CTTNBP2: variants seen among roughly 807,000 people sequenced by gnomAD.
CTTNBP2 encodes cortactin binding protein 2, also known as cortactin-binding protein 2.
CTTNBP2 carries 108 observed loss-of-function variants against 156.9 expected under a neutral mutation model. That is an observed-to-expected ratio of 0.69 (90% CI 0.59 to 0.81). CTTNBP2 has a LOEUF of 0.81. Ranked by LOEUF, CTTNBP2 falls within the 30% of genes least tolerant of loss-of-function variation. The pLI is 0.00. For synonymous variants in CTTNBP2, 767 were observed against 751.8 expected, an observed-to-expected ratio of 1.02 and a Z score of -0.33; for missense variants, 1,924 against 2,035.4, an observed-to-expected ratio of 0.95 and a Z score of 1.05.
intron 2 of CTTNBP2, among the ~76,000 whole-genome samples, chr7:117,815,352 C>G (rs1160443889): frequency 6.6e-6 from 1 of 152,020 alleles, no homozygotes; most frequent in Non-Finnish European, 1.5e-5. Flanking sequence ...CAGAATATGA[C>G]AAATCTCCCA....
chr7:117,756,723 A>T, intron 11 of CTTNBP2, 89 bp from the exon 12 acceptor site: 1 of 930,580 alleles, frequency 1.1e-6, no homozygotes, highest in Admixed American at 1.8e-5. Context: ...TAGAAGATGA[A>T]TGTGTTTGTT....
chr7:117,855,208 C>T (rs376464898), intron 2 of CTTNBP2, among the ~76,000 whole-genome samples: 3 of 152,116 alleles, frequency 2.0e-5, no homozygotes, highest in Admixed American at 6.5e-5. Context: ...TTACCTCATG[C>T]GGACTGTTTG....
chr7:117,852,307 A>T (rs374355048), intron 2 of CTTNBP2, among the ~76,000 whole-genome samples: 2 of 152,112 alleles, frequency 1.3e-5, no homozygotes, highest in African/African-American at 4.8e-5. Context: ...CCAAAAAAAA[A>T]AAAAAGATCA....
At chr7:117,773,402 C>T (rs1797899286) in intron 8 of CTTNBP2, among the ~76,000 whole-genome samples, 1 of 152,118 alleles carries the variant, frequency 6.6e-6, no homozygotes, top group African/African-American at 2.4e-5. Flanking sequence ...AATCCTAACA[C>T]ATAAAAATGA....
intron 8 of CTTNBP2, among the ~76,000 whole-genome samples, chr7:117,769,803 C>A (rs1300985549): frequency 6.6e-6 from 1 of 152,156 alleles, no homozygotes. Context: ...TGATAAAAAT[C>A]ACACATTTAT....
chr7:117,777,767 T>C lies in CTTNBP2; in HGVS notation c.2524-2A>G. ...TGCGTGAACTGGTGTCCAGCCATCCTGAAAATAAAATGACCAGGGGGAAAG... is the reference window on the plus strand; with the variant it reads ...TGCGTGAACTGGTGTCCAGCCATCCCGAAAATAAAATGACCAGGGGGAAAG... On this transcript the variant is annotated splice_acceptor_variant, in intron 7 of 22. Coordinates refer to ENST00000160373, the MANE Select transcript of CTTNBP2 (RefSeq NM_033427.3). LOFTEE classifies it high-confidence loss of function. The C allele has an allele frequency of 1.2e-6, 2 of 1,601,668 alleles. No individual in the cohort carries two copies. Among genetic ancestry groups the C allele is most frequent in the Non-Finnish European group, 1.7e-6 (2 of 1,171,028 alleles).
At chr7:117,856,975 C>T (rs1193706021) in intron 2 of CTTNBP2, among the ~76,000 whole-genome samples, 2 of 152,134 alleles carry the variant, frequency 1.3e-5, no homozygotes, top group African/African-American at 4.8e-5. Flanking sequence ...TCTTGAATCA[C>T]GGATTTCTGT....
Position 117,719,502 on chromosome 7 carries a change from A to T in CTTNBP2, c.4644+2T>A. On this transcript the variant is annotated splice_donor_variant, in intron 21 of 22. Coordinates refer to ENST00000160373, the MANE Select transcript of CTTNBP2 (RefSeq NM_033427.3). LOFTEE classifies it high-confidence loss of function. ...TCAATGCCCCCCATTTGTACTGCTC[A>T]CCTTGCTGATATCAGACTCAGACTT... The T allele has an allele frequency of 6.2e-7, 1 of 1,613,418 alleles. No individual in the cohort carries two copies. The highest frequency in any genetic ancestry group is 8.5e-7 in the Non-Finnish European group (1 of 1,179,556).
At chr7:117,836,477 T>C (rs1801946004) in intron 2 of CTTNBP2, among the ~76,000 whole-genome samples, 1 of 152,074 alleles carries the variant, frequency 6.6e-6, no homozygotes, top group Admixed American at 6.5e-5. Context: ...GGCAGGAGAA[T>C]GGCATGAACC....
At chr7:117,787,104 G>A (rs995969878) in intron 4 of CTTNBP2, among the ~76,000 whole-genome samples, 4 of 152,088 alleles carry the variant, frequency 2.6e-5, no homozygotes, top group African/African-American at 4.8e-5. Context: ...AATAAATCCT[G>A]CCTAAATATG....
intron 12 of CTTNBP2, among the ~76,000 whole-genome samples, chr7:117,751,760 A>T (rs928181446): frequency 1.3e-5 from 2 of 152,200 alleles, no homozygotes; most frequent in African/African-American, 4.8e-5. Context: ...CAGACATAAT[A>T]ATTTGGGTAT....
In CTTNBP2 at chr7:117,724,674, G is replaced by A. The variant is rs1794988689; in HGVS notation, c.4320C>T (p.Ser1440=). ...TCTTCTTGTTACAAGTGTTATAACTGGAAACTATGGATAAAGGGAAACTTC... is the reference window on the plus strand; with the variant it reads ...TCTTCTTGTTACAAGTGTTATAACTAGAAACTATGGATAAAGGGAAACTTC... ...KGGSFPLSIV[S]SYNTCNKKKG... Residue 1440 remains serine (S), a synonymous_variant, in exon 19 of 23, where the codon TCC becomes TCT. Coordinates refer to ENST00000160373, the MANE Select transcript of CTTNBP2 (RefSeq NM_033427.3). The A allele has an allele frequency of 1.9e-6, 3 of 1,614,002 alleles. No homozygotes were observed. The highest frequency in any genetic ancestry group is 1.1e-5 in the South Asian group (1 of 91,076).
chr7:117,731,347 T>C (rs1795387685), intron 16 of CTTNBP2, among the ~76,000 whole-genome samples: 1 of 152,228 alleles, frequency 6.6e-6, no homozygotes, highest in African/African-American at 2.4e-5. Context: ...TGTACAACTC[T>C]AACACACTGA....
chr7:117,730,958 T>C (rs568118556), intron 16 of CTTNBP2, among the ~76,000 whole-genome samples: 31 of 152,318 alleles, frequency 2.0e-4, no homozygotes, highest in African/African-American at 7.0e-4. Context: ...AGGAATTTCA[T>C]ATATTAGAAT....
At chr7:117,862,713 T>C (rs566294866) in intron 1 of CTTNBP2, among the ~76,000 whole-genome samples, 127 of 152,336 alleles carry the variant, frequency 8.3e-4, no homozygotes, top group Non-Finnish European at 1.5e-3. Context: ...TCAGAAGCCA[T>C]TGTTCAAAAC....
chr7:117,713,294 C>G (rs1794162104), intron 22 of CTTNBP2, among the ~76,000 whole-genome samples: 1 of 152,186 alleles, frequency 6.6e-6, no homozygotes, highest in African/African-American at 2.4e-5. Flanking sequence ...ATTTCAAGCT[C>G]TAAGTATTTC....
chr7:117,724,504 T>C, intron 19 of CTTNBP2, 43 bp downstream of exon 19: 1 of 1,527,326 alleles, frequency 6.5e-7, no homozygotes, highest in Non-Finnish European at 8.9e-7. Flanking sequence ...GGATCACGTA[T>C]GTCCACCTCC....
At chr7:117,865,567 T>C (rs1488601447) in intron 1 of CTTNBP2, among the ~76,000 whole-genome samples, 2 of 146,444 alleles carry the variant, frequency 1.4e-5, no homozygotes, top group African/African-American at 2.5e-5. Flanking sequence ...TCCCAGCTAC[T>C]ATGGAGGCTG....
intron 3 of CTTNBP2, among the ~76,000 whole-genome samples, chr7:117,794,102 T>C (rs1360042777): frequency 6.6e-6 from 1 of 152,216 alleles, no homozygotes; most frequent in African/African-American, 2.4e-5. Flanking sequence ...AAATTGTATA[T>C]TGAATGAATG....
Sources: gnomAD v4.1 joint callset for allele counts (sites outside exome capture counted in the v4.1 genomes callset) on GRCh38, gnomAD v4.1.1 for gene constraint, MANE v1.5 for transcripts, NCBI Gene and HGNC (gene_info 2026-07-23, HGNC 2026-07-21) for gene names.